Variants in SIPA1L3 observed in about 807,000 individuals in gnomAD.
SIPA1L3 encodes signal-induced proliferation-associated 1-like protein 3.
Under a neutral mutation model 150.1 loss-of-function variants are expected in SIPA1L3, and 59 were observed. That is an observed-to-expected ratio of 0.39 (90% CI 0.32 to 0.49). SIPA1L3 has a LOEUF of 0.49. SIPA1L3 is among the 20% of genes least tolerant of loss of function. The pLI, the probability that SIPA1L3 is intolerant of heterozygous loss-of-function variation, is 0.86. For missense variants in SIPA1L3, 2,211 were observed against 2,489.5 expected (o/e 0.89, Z 2.38); for synonymous variants, 1,070 against 1,077.6 (o/e 0.99, Z 0.14).
chr19:37,923,545 A>G (rs2046475194), intron 1 of SIPA1L3, among the ~76,000 whole-genome samples: 1 of 152,198 alleles, frequency 6.6e-6, no homozygotes, highest in Admixed American at 6.6e-5. Flanking sequence ...TGGAGCTTGC[A>G]GGACTGGAAG....
intron 1 of SIPA1L3, among the ~76,000 whole-genome samples, chr19:37,989,687 A>G (rs567095600): frequency 7.9e-6 from 1 of 126,770 alleles, no homozygotes; most frequent in African/African-American, 3.0e-5. Flanking sequence ...TTTTTTTGAG[A>G]TGGAGTCTCG....
intron 17 of SIPA1L3, among the ~76,000 whole-genome samples, chr19:38,192,984 G>A (rs1203332787): frequency 2.6e-5 from 4 of 152,096 alleles, no homozygotes; most frequent in Admixed American, 1.3e-4. Flanking sequence ...AGCCTTACCC[G>A]GAGCTGGAGG....
In SIPA1L3 at chr19:38,102,738, G is replaced by A. The variant is rs559728001; in HGVS notation, c.2029+1512G>A. 1.3e-4 allele frequency among the ~76,000 whole-genome samples: 20 copies of A among 151,978 alleles called. No individual in the cohort carries two copies. In the East Asian group the frequency reaches 3.5e-3, roughly 26 times the overall value. On this transcript the variant is annotated intron_variant, in intron 6 of 21. Transcript: ENST00000222345. ...TCCCAGCACTTTGGGAGGCTGAGGC[G>A]GGTGGATTGCTTGAGCCTGGGAGTT... is the stretch of plus-strand genomic sequence containing the variant.
intron 16 of SIPA1L3, 90 bp from the exon 17 acceptor site, chr19:38,192,055 C>A: frequency 2.4e-6 from 3 of 1,237,354 alleles, no homozygotes; most frequent in Non-Finnish European, 3.4e-6. Context: ...CCATGCGTCC[C>A]GTGGTGGCCG....
intron 1 of SIPA1L3, among the ~76,000 whole-genome samples, chr19:37,919,731 A>G (rs1169356598): frequency 1.2e-5 from 1 of 86,272 alleles, no homozygotes; most frequent in African/African-American, 5.6e-5. Flanking sequence ...TTTTTTTGAG[A>G]CAGAGTTTCA....
At chr19:38,179,637 C>T in intron 15 of SIPA1L3, among the ~76,000 whole-genome samples, 1 of 152,070 alleles carries the variant, frequency 6.6e-6, no homozygotes, top group South Asian at 2.1e-4. Flanking sequence ...TTATCATAAA[C>T]ATCCATATGT....
At chr19:38,202,459 G>T (rs554364631) in intron 20 of SIPA1L3, among the ~76,000 whole-genome samples, 1 of 151,974 alleles carries the variant, frequency 6.6e-6, no homozygotes, top group Non-Finnish European at 1.5e-5. Context: ...GTGGTGGTGC[G>T]TGCCTGTAAT....
intron 2 of SIPA1L3, among the ~76,000 whole-genome samples, chr19:38,064,842 CTG>C (rs1481205173): frequency 6.6e-6 from 1 of 152,192 alleles, no homozygotes; most frequent in Non-Finnish European, 1.5e-5. Flanking sequence ...GATGGGAAAA[CTG>C]AGGCATAGAG....
chr19:37,911,037 T>C (rs151187217), intron 1 of SIPA1L3, among the ~76,000 whole-genome samples: 36 of 152,276 alleles, frequency 2.4e-4, no homozygotes, highest in Non-Finnish European at 4.4e-4. Context: ...TACAGAGGTG[T>C]AGGGAAAATA....
At chr19:38,111,971 ACACACATG>A (rs1358583634) in intron 8 of SIPA1L3, among the ~76,000 whole-genome samples, 5 of 94,260 alleles carry the variant, frequency 5.3e-5, no homozygotes, top group Non-Finnish European at 8.0e-5. Flanking sequence ...ACGTACATGC[ACACACATG>A]CACACAGGCA....
At chr19:38,110,157 A>G (rs776357333) in intron 7 of SIPA1L3, 70 bp from the exon 8 acceptor site, 4 of 1,478,302 alleles carry the variant, frequency 2.7e-6, no homozygotes, top group Non-Finnish European at 2.8e-6. Flanking sequence ...GAGCTGTGGC[A>G]GTGGTCCAGG....
At chr19:38,003,845 G>C (rs1044059978) in intron 1 of SIPA1L3, among the ~76,000 whole-genome samples, 1 of 152,116 alleles carries the variant, frequency 6.6e-6, no homozygotes, top group Non-Finnish European at 1.5e-5. Context: ...GGCTTCCTCC[G>C]CCACCCAGCA....
At chr19:37,961,937 T>A (rs2046862112) in intron 1 of SIPA1L3, among the ~76,000 whole-genome samples, 1 of 152,188 alleles carries the variant, frequency 6.6e-6, no homozygotes, top group South Asian at 2.1e-4. Flanking sequence ...GTTATCAGAA[T>A]TTCCATTGCT....
intron 12 of SIPA1L3, among the ~76,000 whole-genome samples, chr19:38,147,595 C>T (rs951767227): frequency 6.6e-6 from 1 of 151,908 alleles, no homozygotes; most frequent in Non-Finnish European, 1.5e-5. Flanking sequence ...CCTTTATTGC[C>T]TATGGTTGTC....
At chr19:38,073,477 C>G (rs575981098) in intron 2 of SIPA1L3, among the ~76,000 whole-genome samples, 5 of 152,336 alleles carry the variant, frequency 3.3e-5, no homozygotes, top group Admixed American at 1.3e-4. Flanking sequence ...CACTGCCACT[C>G]ACTCCTCATT....
At chr19:38,178,350 T>C (rs1420560018) in intron 15 of SIPA1L3, among the ~76,000 whole-genome samples, 15 of 151,792 alleles carry the variant, frequency 9.9e-5, no homozygotes, top group Non-Finnish European at 8.8e-5. Flanking sequence ...ATAGAGTCTC[T>C]ACAGCAACTC....
chr19:37,928,102 G>A (rs893953398), intron 1 of SIPA1L3, among the ~76,000 whole-genome samples: 4 of 152,014 alleles, frequency 2.6e-5, no homozygotes, highest in Admixed American at 1.3e-4. Flanking sequence ...TGGGTCGAAC[G>A]GTAATTCTAT....
intron 6 of SIPA1L3, among the ~76,000 whole-genome samples, chr19:38,101,546 G>A (rs1386759482): frequency 1.3e-5 from 2 of 152,092 alleles, no homozygotes; most frequent in East Asian, 1.9e-4. Context: ...AACTAGCTGT[G>A]ACTACAGGTG....
intron 1 of SIPA1L3, among the ~76,000 whole-genome samples, chr19:37,984,852 C>G (rs1213052317): frequency 6.6e-6 from 1 of 152,188 alleles, no homozygotes; most frequent in Non-Finnish European, 1.5e-5. Flanking sequence ...TTGTGGTGAT[C>G]CCTGAAGAAG....
Sources: allele counts gnomAD v4.1 joint callset (sites outside exome capture counted in the v4.1 genomes callset), GRCh38; gene constraint gnomAD v4.1.1; transcripts MANE v1.5; gene names NCBI Gene and HGNC (gene_info 2026-07-23, HGNC 2026-07-21).